Variants in AMD1 observed in about 807,000 individuals in gnomAD.
AMD1 encodes adenosylmethionine decarboxylase 1, also known as S-adenosylmethionine decarboxylase proenzyme.
A neutral mutation model predicts 40.2 loss-of-function variants in AMD1; 11 were observed. The ratio of observed to expected loss-of-function variants is 0.27; its 90% CI spans 0.17 to 0.45. AMD1 has a LOEUF of 0.45. Among genes scored for constraint, AMD1 ranks in the 20% least tolerant of loss-of-function variants. The pLI, the probability that AMD1 is intolerant of heterozygous loss-of-function variation, is 1.00. For missense variants in AMD1, 257 were observed against 410.2 expected, an observed-to-expected ratio of 0.63 and a Z score of 3.23; for synonymous variants, 121 against 130.8, an observed-to-expected ratio of 0.93 and a Z score of 0.51.
Position 110,890,182 on chromosome 6 carries a change from T to G in AMD1, c.325-72T>G. On this transcript the variant is annotated intron_variant, in intron 3 of 8. Transcript: ENST00000368885. ...TTTTGATATGTGGACAATAGTTGATTAGCTTCGAAAAGTGATAGAATTCTA... is the reference window on the plus strand; with the variant it reads ...TTTTGATATGTGGACAATAGTTGATGAGCTTCGAAAAGTGATAGAATTCTA... The G allele has an allele frequency of 3.4e-6, 4 of 1,163,258 alleles. No homozygotes were observed. In the South Asian group the frequency reaches 4.5e-5, roughly 13 times the overall value. 72.1% of individuals were successfully genotyped at this position (1,163,258 alleles called of 1,614,324 possible).
At chr6:110,876,655 G>C (rs1217246638) in intron 1 of AMD1, among the ~76,000 whole-genome samples, 1 of 151,924 alleles carries the variant, frequency 6.6e-6, no homozygotes, top group African/African-American at 2.4e-5. Flanking sequence ...AATGTCTATA[G>C]CGCTTACTAC....
At chr6:110,815,268 CCCG>C in the AMD1 span, 4 of 1,069,188 alleles carry the variant, frequency 3.7e-6, no homozygotes, top group Middle Eastern at 1.3e-3. Context: ...CCGCCCGCCG[CCCG>C]CCGCTCCGCG....
chr6:110,882,736 T>C (rs1785476744), intron 1 of AMD1, among the ~76,000 whole-genome samples: 1 of 152,210 alleles, frequency 6.6e-6, no homozygotes, highest in Non-Finnish European at 1.5e-5. Flanking sequence ...TTTGATACTA[T>C]GATTGAAAAA....
Position 110,895,328 on chromosome 6 carries a change from T to C in AMD1, c.*1712T>C, listed in dbSNP as rs977891876. 6 of 152,238 alleles carry C rather than the reference T, an allele frequency of 3.9e-5. No individual in the cohort carries two copies. Among genetic ancestry groups the C allele is most frequent in the Admixed American group, 2.0e-4 (3 of 15,272 alleles). 9.4% of individuals were successfully genotyped at this position (152,238 alleles called of 1,614,324 possible). A position where few individuals can be genotyped will look rare whatever the true frequency, so the allele number is the denominator to read the frequency against. ...TCAATCAGTGTGATCAGTTTGATTC[T>C]GTAATGAGCACAGCACCTAATATTT... On this transcript the variant is annotated 3_prime_UTR_variant, in exon 9 of 9. Coordinates refer to ENST00000368885, the MANE Select transcript of AMD1 (RefSeq NM_001634.6).
the AMD1 span, among the ~76,000 whole-genome samples, chr6:110,866,980 AT>A: frequency 1.3e-5 from 2 of 151,540 alleles, no homozygotes; most frequent in African/African-American, 4.9e-5. Flanking sequence ...TGCCCAGCTA[AT>A]TTTTTGTATT....
In AMD1 at chr6:110,893,161, A is replaced by G. The variant is rs370546468; in HGVS notation, c.864+96A>G. 523 of 1,126,030 alleles carry G rather than the reference A, an allele frequency of 4.6e-4. 5 individuals carry two copies. In the South Asian group the frequency reaches 7.9e-3, roughly 17 times the overall value. 69.8% of individuals were successfully genotyped at this position (1,126,030 alleles called of 1,614,324 possible). ...CCTAAGATGTATTCTGAGATAGCACATATACCAGCCACTCAGATATCCAGA... is the reference window on the plus strand; with the variant it reads ...CCTAAGATGTATTCTGAGATAGCACGTATACCAGCCACTCAGATATCCAGA... On this transcript the variant is annotated intron_variant, in intron 8 of 8. Coordinates refer to ENST00000368885, the MANE Select transcript of AMD1 (RefSeq NM_001634.6).
chr6:110,858,208 C>A, the AMD1 span: 1 of 741,708 alleles, frequency 1.3e-6, no homozygotes, highest in South Asian at 1.5e-5. Context: ...CTGTTTCGTC[C>A]CATCCCATCC....
the AMD1 span, among the ~76,000 whole-genome samples, chr6:110,832,949 T>C: frequency 1.3e-5 from 2 of 152,094 alleles, no homozygotes; most frequent in Non-Finnish European, 2.9e-5. Flanking sequence ...GCCTCCAAAG[T>C]AGCTGGGATT....
the AMD1 span, among the ~76,000 whole-genome samples, chr6:110,818,684 G>T: frequency 0.048 from 7,241 of 152,224 alleles, 182 homozygotes; most frequent in Middle Eastern, 0.078. Context: ...GGGATTACAG[G>T]CATGTGCCAC....
chr6:110,844,539 T>C, the AMD1 span, among the ~76,000 whole-genome samples: 1 of 151,790 alleles, frequency 6.6e-6, no homozygotes, highest in Non-Finnish European at 1.5e-5. Context: ...CCCAGCACTT[T>C]GGGAGGCTGA....
the AMD1 span, chr6:110,815,142 G>C: frequency 6.3e-7 from 1 of 1,590,134 alleles, no homozygotes; most frequent in South Asian, 1.1e-5. Context: ...TCCATTGTCT[G>C]CTTCCCCCAT....
chr6:110,857,570 T>A, the AMD1 span, among the ~76,000 whole-genome samples: 2 of 146,250 alleles, frequency 1.4e-5, no homozygotes, highest in Non-Finnish European at 3.0e-5. Flanking sequence ...TATATATATA[T>A]AATATGGTAT....
chr6:110,861,548 T>C, the AMD1 span, among the ~76,000 whole-genome samples: 1 of 150,326 alleles, frequency 6.7e-6, no homozygotes, highest in African/African-American at 2.5e-5. Flanking sequence ...TAAAATAAAA[T>C]ACGATAAAAT....
chr6:110,840,285 G>A, the AMD1 span, among the ~76,000 whole-genome samples: 9 of 151,826 alleles, frequency 5.9e-5, no homozygotes, highest in South Asian at 2.1e-4. Context: ...ATTCAATTCC[G>A]ACACTGTCTA....
intron 1 of AMD1, among the ~76,000 whole-genome samples, chr6:110,881,890 C>A (rs1785427126): frequency 6.6e-6 from 1 of 152,016 alleles, no homozygotes; most frequent in Non-Finnish European, 1.5e-5. Flanking sequence ...ATCAGTATTA[C>A]GTGAGCTGTA....
chr6:110,827,958 G>A, the AMD1 span, among the ~76,000 whole-genome samples: 11 of 151,974 alleles, frequency 7.2e-5, no homozygotes, highest in East Asian at 3.9e-4. Context: ...TTCCTAAATC[G>A]TGTGTGGAAA....
the AMD1 span, chr6:110,858,517 G>C: frequency 6.3e-7 from 1 of 1,585,150 alleles, no homozygotes; most frequent in South Asian, 1.1e-5. Context: ...ATTTCATCAA[G>C]GCCATGGTCA....
chr6:110,838,191 C>G, the AMD1 span, among the ~76,000 whole-genome samples: 1 of 151,466 alleles, frequency 6.6e-6, no homozygotes, highest in South Asian at 2.1e-4. Context: ...GAGTTCGAGA[C>G]CAGCCTGGCC....
intron 6 of AMD1, 33 bp downstream of exon 6, chr6:110,892,476 T>C: frequency 6.2e-7 from 1 of 1,607,268 alleles, no homozygotes; most frequent in Non-Finnish European, 8.5e-7. Context: ...GTTGCTGGAC[T>C]CTTCTGCGTG....
Sources: allele counts gnomAD v4.1 joint callset (sites outside exome capture counted in the v4.1 genomes callset), GRCh38; gene constraint gnomAD v4.1.1; transcripts MANE v1.5; gene names NCBI Gene and HGNC (gene_info 2026-07-23, HGNC 2026-07-21).